Variants in STK11IP observed in about 807,000 individuals in gnomAD.
STK11IP encodes the protein serine/threonine kinase 11 interacting protein.
STK11IP carries 103 observed loss-of-function variants against 131.7 expected under a neutral mutation model. The observed-to-expected ratio is 0.78, with a 90% CI of 0.67 to 0.92. STK11IP has a LOEUF of 0.92. Among genes scored for constraint, STK11IP ranks in the 40% least tolerant of loss-of-function variants. STK11IP has a pLI of 0.00. For synonymous variants in STK11IP, 557 were observed against 575.6 expected (o/e 0.97, Z 0.46); for missense variants, 1,315 against 1,385.7 (o/e 0.95, Z 0.81).
rs140414283 is a variant in STK11IP, at chr2:219,608,417, G to C, written c.1590G>C (p.Gln530His). Residue 530 changes from glutamine to histidine, a missense_variant, in exon 14 of 25, where the codon CAG becomes CAC. Coordinates refer to ENST00000456909, the MANE Select transcript of STK11IP (RefSeq NM_052902.4). Reference sequence around the variant, plus strand: ...AGGAGGAAGAAGAGGAGCAGGACCAGAAGGAAGTGGAAGGTGAGCCCTTTG... The same window carrying C: ...AGGAGGAAGAAGAGGAGCAGGACCACAAGGAAGTGGAAGGTGAGCCCTTTG... ...AGEEEEEEQD[Q>H]KEVEAELCRP... The C allele has an allele frequency of 3.6e-3, 5,622 of 1,561,052 alleles. 169 individuals are homozygous for C. The African/African-American group carries it at 0.066, about 18-fold the overall frequency.
intron 2 of STK11IP, 34 bp downstream of exon 2, chr2:219,598,214 C>T (rs750140093): frequency 4.2e-5 from 63 of 1,495,446 alleles, no homozygotes; most frequent in Non-Finnish European, 5.4e-5. Context: ...GGGCCTCGGA[C>T]CTCGGACGAG....
In STK11IP at chr2:219,609,111, C is replaced by G. The variant is rs1318550084; in HGVS notation, c.1824C>G (p.Leu608=). ...RSPRPTGSDL[L]PGAPILSLRF... ...TTGCTGCGCAGGGCTCAGATCTGCT[C>G]CCTGGAGCCCCCATCCTCAGTCTGC... Residue 608 remains leucine (L), a synonymous_variant, in exon 16 of 25, where the codon CTC becomes CTG. Transcript: ENST00000456909. 6.2e-7 allele frequency: 1 copy of G among 1,600,988 alleles called. No individual in the cohort carries two copies. The highest frequency in any genetic ancestry group is 1.1e-5 in the South Asian group (1 of 88,334).
intron 7 of STK11IP, among the ~76,000 whole-genome samples, chr2:219,604,154 A>G (rs1379526126): frequency 6.6e-6 from 1 of 152,200 alleles, no homozygotes; most frequent in East Asian, 1.9e-4. Context: ...TTTCCCAGGC[A>G]GGAGCTTAAG....
At chr2:219,607,996 G>A (rs1240490508) in intron 13 of STK11IP, 51 bp from the exon 14 acceptor site, 9 of 1,571,764 alleles carry the variant, frequency 5.7e-6, no homozygotes, top group Non-Finnish European at 7.8e-6. Context: ...AGGATTTGGG[G>A]CCATCTGTGT....
Position 219,602,087 on chromosome 2 carries a change from A to G in STK11IP, c.438+4A>G, listed in dbSNP as rs1698006170. ...CAGGAGCCTCCAGGCATTAGAGGTAAGGAGAGTGAGGGGTGAGCTCAGACA... is the reference window on the plus strand; with the variant it reads ...CAGGAGCCTCCAGGCATTAGAGGTAGGGAGAGTGAGGGGTGAGCTCAGACA... On this transcript the variant is annotated splice_donor_region_variant and intron_variant, in intron 5 of 24. Coordinates refer to ENST00000456909, the MANE Select transcript of STK11IP (RefSeq NM_052902.4). 10 of 1,592,970 alleles carry G rather than the reference A, an allele frequency of 6.3e-6. No homozygotes were observed. The highest frequency in any genetic ancestry group is 6.0e-6 in the Non-Finnish European group (7 of 1,168,478).
In STK11IP at chr2:219,602,059, CA is replaced by C. The variant is rs750326773; in HGVS notation, c.415del (p.Ser139AlafsTer7). ...ACTCCCAGCTGGAGACCCTGATTTG[CA>C]GCAGGAGCCTCCAGGCATTAGAGGT... ...IYSQLETLIC[S>X]RSLQALEELL... On this transcript the variant is annotated frameshift_variant, in exon 5 of 25. Transcript: ENST00000456909. LOFTEE classifies it high-confidence loss of function. The C allele has an allele frequency of 6.2e-7, 1 of 1,608,544 alleles. No individual in the cohort carries two copies. Among genetic ancestry groups the C allele is most frequent in the Admixed American group, 1.7e-5 (1 of 59,238 alleles).
Position 219,614,213 on chromosome 2 carries a change from G to A in STK11IP, c.2769G>A (p.Glu923=). 1.2e-6 allele frequency: 2 copies of A among 1,613,450 alleles called. No homozygotes were observed. Among genetic ancestry groups the A allele is most frequent in the Non-Finnish European group, 1.7e-6 (2 of 1,179,766 alleles). The change falls in exon 22 of 25, where the codon GAG becomes GAA. Residue 923 remains glutamate, a synonymous_variant. Coordinates refer to ENST00000456909, the MANE Select transcript of STK11IP (RefSeq NM_052902.4). The stretch of plus-strand genomic sequence containing the variant: ...GGAGGAACTGTGTCAGTGCCACAGA[G>A]GAGGAGGTCACCCCCCAGCACCGGC... ...PAWRNCVSAT[E]EEVTPQHRLW...
At position 219,597,903 on chromosome 2, in the gene STK11IP, A is replaced by G. The variant is rs778953887; in HGVS notation, c.-47A>G. The stretch of plus-strand genomic sequence containing the variant: ...GGCGCCGGGCAGCTGAGCTGGTAGG[A>G]GGACCAGACGGGGAGGTTCGGTATG... On this transcript the variant is annotated 5_prime_UTR_variant, in exon 1 of 25. Coordinates refer to ENST00000456909, the MANE Select transcript of STK11IP (RefSeq NM_052902.4). The G allele has an allele frequency of 1.4e-5, 22 of 1,611,194 alleles. No individual in the cohort carries two copies. Among genetic ancestry groups the G allele is most frequent in the Non-Finnish European group, 1.8e-5 (21 of 1,178,756 alleles).
intron 4 of STK11IP, 94 bp downstream of exon 4, chr2:219,601,809 C>A: frequency 7.2e-7 from 1 of 1,394,536 alleles, no homozygotes; most frequent in Non-Finnish European, 9.9e-7. Flanking sequence ...GTGAGGAGGC[C>A]AGGCCTGAGT....
intron 7 of STK11IP, among the ~76,000 whole-genome samples, chr2:219,605,305 C>A (rs1698114466): frequency 6.6e-6 from 1 of 152,166 alleles, no homozygotes; most frequent in African/African-American, 2.4e-5. Flanking sequence ...GGAGACGGGG[C>A]CCTATCTTCA....
chr2:219,614,105 G>T, intron 21 of STK11IP, 56 bp from the exon 22 acceptor site: 3 of 1,600,370 alleles, frequency 1.9e-6, no homozygotes, highest in Non-Finnish European at 2.6e-6. Flanking sequence ...GAGGTGGTGA[G>T]TTTAGGCTGG....
chr2:219,605,898 A>G (rs1375662102), intron 8 of STK11IP, 58 bp from the exon 9 acceptor site: 3 of 1,495,186 alleles, frequency 2.0e-6, no homozygotes, highest in Non-Finnish European at 2.7e-6. Flanking sequence ...TGCATGCACC[A>G]CACTCACTTG....
At chr2:219,611,402 C>A (rs1485212529) in intron 17 of STK11IP, among the ~76,000 whole-genome samples, 1 of 152,160 alleles carries the variant, frequency 6.6e-6, no homozygotes, top group African/African-American at 2.4e-5. Flanking sequence ...AGGGTTAGCT[C>A]ATCCCTCCCT....
At chr2:219,605,431 GT>G in intron 7 of STK11IP, 176 bp from the exon 8 acceptor site, 1 of 626,902 alleles carries the variant, frequency 1.6e-6, no homozygotes, top group Non-Finnish European at 2.8e-6. Context: ...GTTAGGAACA[GT>G]GCTGGTGTTG....
intron 13 of STK11IP, among the ~76,000 whole-genome samples, chr2:219,607,574 G>A (rs1213986117): frequency 6.6e-6 from 1 of 151,982 alleles, no homozygotes; most frequent in Non-Finnish European, 1.5e-5. Context: ...CAGGAGGATC[G>A]CCAGAGCCTG....
At chr2:219,608,859 G>T in intron 15 of STK11IP, 71 bp downstream of exon 15, 1 of 1,427,846 alleles carries the variant, frequency 7.0e-7, no homozygotes, top group Non-Finnish European at 9.4e-7. Context: ...CCCTGCACTG[G>T]GCTGGGCATT....
intron 11 of STK11IP, 91 bp from the exon 12 acceptor site, chr2:219,606,621 G>C (rs1698173266): frequency 4.4e-6 from 7 of 1,601,764 alleles, no homozygotes; most frequent in Admixed American, 3.4e-5. Flanking sequence ...CTGGTCAGTG[G>C]AAAGTAGGGT....
Position 219,608,223 on chromosome 2 carries a change from G to A in STK11IP, c.1396G>A (p.Ala466Thr), listed in dbSNP as rs1457640671. The A allele has an allele frequency of 1.9e-6, 3 of 1,613,480 alleles. No individual in the cohort carries two copies. Among genetic ancestry groups the A allele is most frequent in the African/African-American group, 2.7e-5 (2 of 74,902 alleles). The change falls in exon 14 of 25, where the codon GCA becomes ACA. Residue 466 changes from alanine to threonine, a missense_variant. Coordinates refer to ENST00000456909, the MANE Select transcript of STK11IP (RefSeq NM_052902.4). ...AGCCAGCTCCCAGGGCCCCGACACTGCACCCAGACCTTCACCCCCGCAGGA... is the reference window on the plus strand; with the variant it reads ...AGCCAGCTCCCAGGGCCCCGACACTACACCCAGACCTTCACCCCCGCAGGA... ...PPASSQGPDTAPRPSPPQEEA... is the reference protein window; with the variant it reads ...PPASSQGPDTTPRPSPPQEEA...
At chr2:219,611,566 G>T (rs750771716) in intron 17 of STK11IP, 38 bp from the exon 18 acceptor site, 7 of 1,532,588 alleles carry the variant, frequency 4.6e-6, no homozygotes, top group Admixed American at 1.7e-5. Context: ...TGGCACTGTG[G>T]GGGGGGCTCA....
Sources: gnomAD v4.1 joint callset for allele counts (sites outside exome capture counted in the v4.1 genomes callset) on GRCh38, gnomAD v4.1.1 for gene constraint, MANE v1.5 for transcripts, NCBI Gene and HGNC (gene_info 2026-07-23, HGNC 2026-07-21) for gene names.